ZFP37: variants seen among roughly 807,000 people sequenced by gnomAD.
The protein encoded by ZFP37 is ZFP37 zinc finger protein.
In ZFP37, 38 loss-of-function variants were observed where a neutral mutation model predicts 52.1. The observed-to-expected ratio is 0.73, with a 90% CI of 0.56 to 0.96. The LOEUF is 0.96. Ranked by LOEUF, ZFP37 falls within the 40% of genes least tolerant of loss-of-function variation. The probability of loss-of-function intolerance (pLI) is 0.00; values close to 1 mark genes in which losing one functional copy is unlikely to be tolerated. For missense variants in ZFP37, 695 were observed against 741.4 expected (o/e 0.94, Z 0.73); for synonymous variants, 253 against 259.5 (o/e 0.98, Z 0.24).
chr9:113,047,811 G>A (rs1328864720), intron 3 of ZFP37, among the ~76,000 whole-genome samples: 2 of 152,192 alleles, frequency 1.3e-5, no homozygotes, highest in Non-Finnish European at 2.9e-5. Context: ...CTCTAATTTA[G>A]AGAGAAAGAC....
At chr9:113,050,907 T>C (rs2118712092) in intron 1 of ZFP37, among the ~76,000 whole-genome samples, 1 of 149,376 alleles carries the variant, frequency 6.7e-6, no homozygotes, top group Middle Eastern at 3.5e-3. Context: ...AAAAAAAAAG[T>C]TATTTATGTT....
chr9:113,050,044 T>G, intron 1 of ZFP37, 172 bp from the exon 2 acceptor site: 1 of 1,061,834 alleles, frequency 9.4e-7, no homozygotes, highest in Non-Finnish European at 1.3e-6. Flanking sequence ...ATACCTATTC[T>G]CTACTCAATT....
intron 1 of ZFP37, among the ~76,000 whole-genome samples, chr9:113,051,300 T>C (rs1268901206): frequency 6.6e-6 from 1 of 152,114 alleles, no homozygotes; most frequent in Non-Finnish European, 1.5e-5. Context: ...GAAATTAAAG[T>C]ATGTTGAAGT....
rs913210549 is a variant in ZFP37 at position 113,044,175 on chromosome 9, T to G, written c.443A>C (p.Lys148Thr). 9.3e-6 allele frequency: 15 copies of G among 1,608,228 alleles called. No homozygotes were observed. The Admixed American group carries it at 1.7e-4, about 18-fold the overall frequency. ...EVAVKKKTQA[K>T]KNGSDCGSLG... ...TGAACCACAGTCACTGCCATTCTTC[T>G]TAGCTTGAGTTTTCTTCTTGACTGC... is the stretch of plus-strand genomic sequence containing the variant. The change falls in exon 4 of 4, where the codon AAG becomes ACG. Residue 148 changes from lysine (K) to threonine (T), a missense_variant. Lys to Thr is a moderately conservative substitution (Grantham distance 78). This residue lies in a region of ZFP37 where 369 missense variants were observed against 340.9 expected (regional missense o/e 1.08). Transcript: ENST00000374227.
rs2118690243 is a variant in ZFP37 at position 113,044,101 on chromosome 9, T to C, written c.517A>G (p.Arg173Gly). ...CCACATGACTCAAATTTAAGAAGCC[T>C]TTTCTTTGAAGGAACATGTTTTTTA... ...LHKKHVPSKK[R>G]LLKFESCGKI... Residue 173 changes from arginine (R) to glycine (G), a missense_variant, in exon 4 of 4, where the codon AGG becomes GGG. Physicochemically the swap from Arg to Gly is moderately radical, Grantham distance 125 (BLOSUM62 -2). Coordinates refer to ENST00000374227, the MANE Select transcript of ZFP37 (RefSeq NM_003408.3). 1 of 1,611,452 alleles carries C rather than the reference T, an allele frequency of 6.2e-7. No homozygotes were observed. The highest frequency in any genetic ancestry group is 8.5e-7 in the Non-Finnish European group (1 of 1,179,464).
chr9:113,046,155 C>T (rs1828946979), intron 3 of ZFP37, among the ~76,000 whole-genome samples: 1 of 149,392 alleles, frequency 6.7e-6, no homozygotes, highest in East Asian at 2.0e-4. Context: ...TATATATAGA[C>T]AGATATATAT....
chr9:113,050,516 CCTCTT>C (rs1829038978), intron 1 of ZFP37, among the ~76,000 whole-genome samples: 1 of 150,866 alleles, frequency 6.6e-6, no homozygotes, highest in Non-Finnish European at 1.5e-5. Flanking sequence ...ATCTTTGTCT[CCTCTT>C]CTATAACAGG....
At chr9:113,054,227 T>C (rs1264167151) in intron 1 of ZFP37, among the ~76,000 whole-genome samples, 2 of 152,226 alleles carry the variant, frequency 1.3e-5, no homozygotes, top group Non-Finnish European at 2.9e-5. Flanking sequence ...TGATTACTTC[T>C]ATTGTCTTGA....
In ZFP37 at chr9:113,043,189, T is replaced by C. The variant is rs1427896357; in HGVS notation, c.1429A>G (p.Ile477Val). Residue 477 changes from isoleucine (I) to valine (V), a missense_variant, in exon 4 of 4, where the codon ATT (isoleucine) becomes GTT (valine). Ile to Val is a conservative substitution (Grantham distance 29, BLOSUM62 3). Transcript: ENST00000374227. ...GKAFSKKSHL[I>V]IHQRTHTKEK... ...TTAGTATGAGTTCTTTGATGTATAA[T>C]GAGGTGTGACTTCTTGCTGAAAGCT... 6.2e-7 allele frequency: 1 copy of C among 1,613,904 alleles called. No individual in the cohort carries two copies. The highest frequency in any genetic ancestry group is 8.5e-7 in the Non-Finnish European group (1 of 1,179,954).
At chr9:113,054,663 T>C (rs1268075109) in intron 1 of ZFP37, among the ~76,000 whole-genome samples, 2 of 152,188 alleles carry the variant, frequency 1.3e-5, no homozygotes, top group Non-Finnish European at 2.9e-5. Flanking sequence ...GAAAATAGAA[T>C]CACCATCCAT....
Position 113,043,824 on chromosome 9 carries a change from AT to A in ZFP37, c.793del (p.Ile265PhefsTer26), listed in dbSNP as rs761904441. Reference protein sequence around the residue: ...HSSSHIKQDKIQTGEKHEKSP... With the variant: ...HSSSHIKQDKXQTGEKHEKSP... ...TTTCTCATGTTTCTCTCCAGTTTGA[AT>A]TTTGTCCTGTTTAATATGGGATGAA... On this transcript the variant is annotated frameshift_variant, in exon 4 of 4. Transcript: ENST00000374227. LOFTEE classifies it high-confidence loss of function. 32 of 1,613,762 alleles carry A rather than the reference AT, an allele frequency of 2.0e-5. No individual in the cohort carries two copies. Among genetic ancestry groups the A allele is most frequent in the Non-Finnish European group, 2.5e-6 (3 of 1,179,940 alleles).
At chr9:113,044,697 T>C (rs1587910712) in intron 3 of ZFP37, among the ~76,000 whole-genome samples, 1 of 152,112 alleles carries the variant, frequency 6.6e-6, no homozygotes, top group Non-Finnish European at 1.5e-5. Flanking sequence ...CAATTCTCCA[T>C]GGGCACAGTT....
intron 1 of ZFP37, among the ~76,000 whole-genome samples, chr9:113,050,500 G>C (rs1829038673): frequency 6.7e-6 from 1 of 149,312 alleles, no homozygotes; most frequent in Non-Finnish European, 1.5e-5. Context: ...AAAAGGAACA[G>C]AATCAATCTT....
rs142182003 is a variant in ZFP37, at chr9:113,049,854, G to A, written c.151C>T (p.Pro51Ser). Residue 51 changes from proline to serine, a missense_variant, in exon 2 of 4, where the codon CCT becomes TCT. Coordinates refer to ENST00000374227, the MANE Select transcript of ZFP37 (RefSeq NM_003408.3). ...TCATTATACAGGTTGCTCTGAGCAGGATCCAGTTGCTTCCATTCCTTCTGG... is the reference window on the plus strand; with the variant it reads ...TCATTATACAGGTTGCTCTGAGCAGAATCCAGTTGCTTCCATTCCTTCTGG... The part of the protein sequence containing the change: ...ASAAEWKQLD[P>S]AQSNLYNDVM... 119 of 1,613,912 alleles carry A rather than the reference G, an allele frequency of 7.4e-5. 2 individuals are homozygous for A. The highest frequency in any genetic ancestry group is 1.5e-4 in the African/African-American group (11 of 74,916).
In ZFP37 at chr9:113,038,647, G is replaced by A. The variant is rs1828801306; in HGVS notation, c.*4078C>T. ...AAAAAAAAAAAAAAAAATTAGCTTG[G>A]TGGCATGCACCTGTAGTCCCAGCTA... is the stretch of plus-strand genomic sequence containing the variant. On this transcript the variant is annotated 3_prime_UTR_variant, in exon 4 of 4. Transcript: ENST00000374227. 1 of 151,730 alleles carries A rather than the reference G, an allele frequency of 6.6e-6. No individual in the cohort carries two copies. The highest frequency in any genetic ancestry group is 1.5e-5 in the Non-Finnish European group (1 of 68,024). The allele number at this position is 151,730 out of a possible 1,614,324, so 9.4% of individuals were successfully genotyped here. A position where few individuals can be genotyped will look rare whatever the true frequency, so the allele number is the denominator to read the frequency against.
Position 113,050,468 on chromosome 9 carries a change from C to CA in ZFP37, c.133-597dup, listed in dbSNP as rs34498194. On this transcript the variant is annotated intron_variant, in intron 1 of 3. Coordinates refer to ENST00000374227, the MANE Select transcript of ZFP37 (RefSeq NM_003408.3). Reference sequence around the variant, plus strand: ...CATATCGGAGAGAAAGACAAATAGCCAAAAAAAAAAAAAAAAAAGAAAAAA... The same window carrying CA: ...CATATCGGAGAGAAAGACAAATAGCCAAAAAAAAAAAAAAAAAAAGAAAAAA... 4.6e-3 allele frequency among the ~76,000 whole-genome samples: 565 copies of CA among 121,570 alleles called. 1 individual carries two copies. The highest frequency in any genetic ancestry group is 0.017 in the South Asian group (63 of 3,690). 79.8% of individuals were successfully genotyped at this position (121,570 alleles called of 152,430 possible). A position where few individuals can be genotyped will look rare whatever the true frequency, so the allele number is the denominator to read the frequency against.
rs563751025 is a variant in ZFP37, at chr9:113,044,135, ATT to A, written c.481_482del (p.Asn161Ter). The A allele has an allele frequency of 6.2e-7, 1 of 1,611,386 alleles. No individual in the cohort carries two copies. Among genetic ancestry groups the A allele is most frequent in the South Asian group, 1.1e-5 (1 of 90,150 alleles). The part of the protein sequence containing the change: ...GSDCGSLGKK[N>X]NLHKKHVPSK... ...AAGGAACATGTTTTTTATGCAAATT[ATT>A]TTTTTTCCCCAGTGAACCACAGTCA... On this transcript the variant is annotated frameshift_variant, in exon 4 of 4. Transcript: ENST00000374227. LOFTEE classifies it high-confidence loss of function.
In ZFP37 at chr9:113,043,491, G is replaced by A. The variant is rs752808231; in HGVS notation, c.1127C>T (p.Pro376Leu). 6.8e-6 allele frequency: 11 copies of A among 1,613,900 alleles called. No individual in the cohort carries two copies. The South Asian group carries it at 8.8e-5, about 13-fold the overall frequency. The change falls in exon 4 of 4, where the codon CCC becomes CTC. Residue 376 changes from proline to leucine, a missense_variant. Pro to Leu is a moderately conservative substitution (Grantham distance 98). Coordinates refer to ENST00000374227, the MANE Select transcript of ZFP37 (RefSeq NM_003408.3). ...TTTCCCACATTCAGCACATTCATAG[G>A]GCTTTTCTCCAGTATGAATTCTTAG... Reference protein sequence around the residue: ...DHLRIHTGEKPYECAECGKTF... With the variant: ...DHLRIHTGEKLYECAECGKTF...
chr9:113,044,205 T>A lies in ZFP37; in HGVS notation c.413A>T (p.Glu138Val), dbSNP rs1471893872. The A allele has an allele frequency of 6.3e-7, 1 of 1,589,842 alleles. No individual in the cohort carries two copies. Among genetic ancestry groups the A allele is most frequent in the Non-Finnish European group, 8.5e-7 (1 of 1,173,370 alleles). The change falls in exon 4 of 4, where the codon GAA (glutamate) becomes GTA (valine). Residue 138 changes from glutamate (E) to valine (V), a missense_variant. Physicochemically the swap from Glu to Val is moderately radical, Grantham distance 121 (BLOSUM62 -2). This residue lies in a region of ZFP37 where 369 missense variants were observed against 340.9 expected (regional missense o/e 1.08). Transcript: ENST00000374227. The part of the protein sequence containing the change: ...IQKSQNKLLR[E>V]VAVKKKTQAK... ...TTGAGTTTTCTTCTTGACTGCAACT[T>A]CCCTGAGGAGTTTGTTTTGAGATTT...
Sources: allele counts gnomAD v4.1 joint callset (sites outside exome capture counted in the v4.1 genomes callset), GRCh38; gene constraint gnomAD v4.1.1; regional missense constraint gnomAD v4.1.1; transcripts MANE v1.5; gene names NCBI Gene and HGNC (gene_info 2026-07-23, HGNC 2026-07-21).